Variants in BTRC observed in about 807,000 individuals in gnomAD.
BTRC encodes beta-transducin repeat containing E3 ubiquitin protein ligase.
Under a neutral mutation model 85.5 loss-of-function variants are expected in BTRC, and 42 were observed. The observed-to-expected ratio is 0.49, with a 90% CI of 0.38 to 0.64. BTRC has a LOEUF of 0.64. Among genes scored for constraint, BTRC ranks in the 30% least tolerant of loss-of-function variants. The pLI, the probability that BTRC is intolerant of heterozygous loss-of-function variation, is 0.00. For missense variants in BTRC, 594 were observed against 743.5 expected, an observed-to-expected ratio of 0.80 and a Z score of 2.34; for synonymous variants, 255 against 263.3, an observed-to-expected ratio of 0.97 and a Z score of 0.30.
At chr10:101,471,625 T>C (rs1945527846) in intron 3 of BTRC, among the ~76,000 whole-genome samples, 1 of 152,208 alleles carries the variant, frequency 6.6e-6, no homozygotes, top group South Asian at 2.1e-4. Flanking sequence ...CATCCTCCTC[T>C]GTTTTCTAAA....
intron 1 of BTRC, among the ~76,000 whole-genome samples, chr10:101,364,582 A>G (rs965273447): frequency 3.3e-5 from 5 of 152,200 alleles, no homozygotes; most frequent in Non-Finnish European, 7.3e-5. Flanking sequence ...GAAAACTTTC[A>G]TGCTTTCACT....
chr10:101,532,784 G>GTATA (rs33977050), intron 8 of BTRC, among the ~76,000 whole-genome samples, 168 bp from the exon 9 acceptor site: 3 of 145,766 alleles, frequency 2.1e-5, no homozygotes, highest in South Asian at 4.4e-4. Flanking sequence ...GTGTGTGTGT[G>GTATA]TGTGTGCGCG....
intron 2 of BTRC, among the ~76,000 whole-genome samples, chr10:101,431,781 G>T (rs1944410548): frequency 6.6e-6 from 1 of 152,072 alleles, no homozygotes; most frequent in African/African-American, 2.4e-5. Context: ...ATACTATTTA[G>T]TGATCATAAA....
At chr10:101,527,702 T>G (rs1400544199) in intron 6 of BTRC, among the ~76,000 whole-genome samples, 2 of 151,852 alleles carry the variant, frequency 1.3e-5, no homozygotes, top group South Asian at 4.2e-4. Context: ...TGCAGTGAGC[T>G]GTGGTCATGC....
Position 101,496,541 on chromosome 10 carries a change from A to G in BTRC, c.324+17084A>G, listed in dbSNP as rs976738592. Among the ~76,000 whole-genome samples, 10 of 152,164 alleles carry G rather than the reference A, an allele frequency of 6.6e-5. No homozygotes were observed. The East Asian group carries it at 1.9e-3, about 29-fold the overall frequency. On this transcript the variant is annotated intron_variant, in intron 4 of 14. Coordinates refer to ENST00000370187, the MANE Select transcript of BTRC (RefSeq NM_033637.4). ...GGCAGTCCTCTTGCCTCAGCCTCCC[A>G]AAGTGCTGGAATTACTGACTTTTTT...
At chr10:101,462,469 G>T (rs899103013) in intron 3 of BTRC, among the ~76,000 whole-genome samples, 1 of 151,870 alleles carries the variant, frequency 6.6e-6, no homozygotes. Flanking sequence ...ACCTGAAGTC[G>T]GGAGTTCGAG....
intron 1 of BTRC, among the ~76,000 whole-genome samples, chr10:101,404,267 T>C (rs1943566032): frequency 1.3e-5 from 2 of 150,204 alleles, no homozygotes; most frequent in Non-Finnish European, 3.0e-5. Context: ...CCTGACCTTA[T>C]GATCCGCCCT....
chr10:101,427,517 CTCTTACTTTCTTT>C (rs948142192), intron 1 of BTRC, among the ~76,000 whole-genome samples: 5 of 114,788 alleles, frequency 4.4e-5, no homozygotes, highest in Non-Finnish European at 7.3e-5. Flanking sequence ...TCTCTTTCTT[CTCTTACTTTCTTT>C]TCTTTCTTCT....
intron 4 of BTRC, among the ~76,000 whole-genome samples, chr10:101,510,155 AAAAG>A (rs551994776): frequency 6.0e-4 from 91 of 151,842 alleles, no homozygotes; most frequent in African/African-American, 2.1e-3. Context: ...AAAGAAAAGA[AAAAG>A]AAAGATGCTT....
At chr10:101,471,416 A>G (rs777830197) in intron 3 of BTRC, among the ~76,000 whole-genome samples, 2 of 152,122 alleles carry the variant, frequency 1.3e-5, no homozygotes, top group Admixed American at 6.6e-5. Context: ...ATAGATAACT[A>G]CTTTTTTTTT....
chr10:101,507,816 C>G (rs1010385697), intron 4 of BTRC, among the ~76,000 whole-genome samples: 4 of 152,200 alleles, frequency 2.6e-5, no homozygotes, highest in Admixed American at 2.0e-4. Flanking sequence ...TCAATCATTT[C>G]TTATAATTAA....
chr10:101,518,073 C>T lies in BTRC; in HGVS notation c.325-3566C>T, dbSNP rs375341693. ...GACTACAGGCGCCCGCCACTACGCCCGGCTAATTTTTTGTATTTTTAGTAG... is the reference window on the plus strand; with the variant it reads ...GACTACAGGCGCCCGCCACTACGCCTGGCTAATTTTTTGTATTTTTAGTAG... On this transcript the variant is annotated intron_variant, in intron 4 of 14. Transcript: ENST00000370187. Among the ~76,000 whole-genome samples, 38 of 151,606 alleles carry T rather than the reference C, an allele frequency of 2.5e-4. 1 individual carries two copies. Among genetic ancestry groups the T allele is most frequent in the African/African-American group, 8.2e-4 (34 of 41,350 alleles).
chr10:101,510,150 AAAG>A (rs1291833291), intron 4 of BTRC, among the ~76,000 whole-genome samples: 1 of 151,914 alleles, frequency 6.6e-6, no homozygotes, highest in Non-Finnish European at 1.5e-5. Context: ...GAAAAAAAGA[AAAG>A]AAAAAGAAAG....
intron 4 of BTRC, among the ~76,000 whole-genome samples, chr10:101,512,995 A>G (rs2061976130): frequency 6.6e-6 from 1 of 152,194 alleles, no homozygotes; most frequent in Non-Finnish European, 1.5e-5. Flanking sequence ...AATCAATTCT[A>G]CTGCAACCAG....
chr10:101,499,952 C>G (rs1946361501), intron 4 of BTRC, among the ~76,000 whole-genome samples: 1 of 151,818 alleles, frequency 6.6e-6, no homozygotes, highest in South Asian at 2.1e-4. Context: ...CTCTGCAATA[C>G]AGCAGGCTAT....
intron 2 of BTRC, among the ~76,000 whole-genome samples, chr10:101,461,046 G>A (rs1036954380): frequency 6.6e-6 from 1 of 151,894 alleles, no homozygotes; most frequent in Non-Finnish European, 1.5e-5. Context: ...GGGATTACAG[G>A]CACCCACCAC....
At chr10:101,354,634 T>G in intron 1 of BTRC, 1 of 239,562 alleles carries the variant, frequency 4.2e-6, no homozygotes. Context: ...AGGAGGTGCA[T>G]TCACGACTGG....
At chr10:101,532,899 T>A in intron 8 of BTRC, 53 bp from the exon 9 acceptor site, 1 of 1,397,298 alleles carries the variant, frequency 7.2e-7, no homozygotes, top group Non-Finnish European at 1.0e-6. Context: ...CCAACAAGTC[T>A]CCACAGCACC....
intron 2 of BTRC, among the ~76,000 whole-genome samples, chr10:101,434,631 T>TA (rs1944480675): frequency 6.6e-6 from 1 of 151,884 alleles, no homozygotes; most frequent in Non-Finnish European, 1.5e-5. Context: ...AAAGACACTT[T>TA]AAAAAAATGA....
Sources: gnomAD v4.1 joint callset for allele counts (sites outside exome capture counted in the v4.1 genomes callset) on GRCh38, gnomAD v4.1.1 for gene constraint, MANE v1.5 for transcripts, NCBI Gene and HGNC (gene_info 2026-07-23, HGNC 2026-07-21) for gene names.